Variants in ADH1B observed in about 807,000 individuals in gnomAD.
The protein encoded by ADH1B is alcohol dehydrogenase 1B (class I), beta polypeptide.
Under a neutral mutation model 34.6 loss-of-function variants are expected in ADH1B, and 29 were observed. The observed-to-expected ratio is 0.84, with a 90% CI of 0.62 to 1.14. The LOEUF (loss-of-function observed/expected upper bound fraction) is 1.14. Among genes scored for constraint, ADH1B ranks in the 50% most tolerant of loss-of-function variants. The probability of loss-of-function intolerance (pLI) is 0.00; values close to 1 mark genes in which losing one functional copy is unlikely to be tolerated. For synonymous variants in ADH1B, 170 were observed against 175.5 expected (o/e 0.97, Z 0.25); for missense variants, 424 against 468.4 (o/e 0.91, Z 0.87).
intron 1 of ADH1B, 85 bp downstream of exon 1, chr4:99,321,229 T>G: frequency 1.6e-6 from 2 of 1,245,158 alleles, no homozygotes; most frequent in Non-Finnish European, 1.2e-6. Flanking sequence ...AGATATGAAT[T>G]TTAAATTATT....
chr4:99,311,681 T>A (rs756469410), intron 6 of ADH1B, 25 bp from the exon 7 acceptor site: 6 of 1,612,332 alleles, frequency 3.7e-6, no homozygotes, highest in Non-Finnish European at 5.1e-6. Context: ...ATATTTAGCA[T>A]CCTTAACGTG....
Position 99,307,453 on chromosome 4 carries a change from C to A in ADH1B, c.*387G>T, listed in dbSNP as rs1373663372. 6.2e-5 allele frequency: 16 copies of A among 259,246 alleles called. No homozygotes were observed. Among genetic ancestry groups the A allele is most frequent in the Non-Finnish European group, 8.9e-5 (12 of 135,442 alleles). The allele number at this position is 259,246 out of a possible 1,614,324, so 16.1% of individuals were successfully genotyped here. Reference sequence around the variant, plus strand: ...GTTAGAAGACTTCAATCACAATGGCCCAGCATGTGTATGTTCAGGGCAAGT... The same window carrying A: ...GTTAGAAGACTTCAATCACAATGGCACAGCATGTGTATGTTCAGGGCAAGT... On this transcript the variant is annotated 3_prime_UTR_variant, in exon 9 of 9. Coordinates refer to ENST00000305046, the MANE Select transcript of ADH1B (RefSeq NM_000668.6).
At chr4:99,310,269 GA>G in intron 8 of ADH1B, 1 of 357,728 alleles carries the variant, frequency 2.8e-6, no homozygotes, top group Non-Finnish European at 5.4e-6. Flanking sequence ...AAAAGAAAAA[GA>G]AAAAGAGAAA....
intron 5 of ADH1B, 59 bp downstream of exon 5, chr4:99,315,839 C>T: frequency 6.3e-7 from 1 of 1,594,246 alleles, no homozygotes; most frequent in Non-Finnish European, 8.6e-7. Flanking sequence ...GAAATTGCTT[C>T]CCTTTTGGTT....
chr4:99,314,975 G>A (rs1278381084), intron 5 of ADH1B: 7 of 152,180 alleles, frequency 4.6e-5, no homozygotes, highest in African/African-American at 9.7e-5. Flanking sequence ...CCTTAAGGGT[G>A]TCTATTCACT....
intron 3 of ADH1B, 148 bp from the exon 4 acceptor site, chr4:99,316,450 T>C (rs1733888631): frequency 2.4e-6 from 2 of 848,760 alleles, no homozygotes; most frequent in Non-Finnish European, 3.6e-6. Flanking sequence ...CATCTTTCAA[T>C]GCCTGCCACA....
chr4:99,318,965 A>G (rs373976723), intron 1 of ADH1B, 79 bp from the exon 2 acceptor site: 3 of 1,457,440 alleles, frequency 2.1e-6, no homozygotes, highest in African/African-American at 2.8e-5. Context: ...ATCTTTGTAC[A>G]TGTAATATTG....
At chr4:99,308,069 A>G (rs1233045934) in intron 8 of ADH1B, among the ~76,000 whole-genome samples, 2 of 151,966 alleles carry the variant, frequency 1.3e-5, no homozygotes, top group African/African-American at 4.8e-5. Context: ...TCCAATCTTA[A>G]TCTCACTCAC....
At chr4:99,307,963 G>T (rs1579506869) in intron 8 of ADH1B, 99 bp from the exon 9 acceptor site, 2 of 1,487,314 alleles carry the variant, frequency 1.3e-6, no homozygotes, top group Non-Finnish European at 1.9e-6. Context: ...GTGAAAATCT[G>T]TCTGTGATCC....
rs1171436760 is a variant in ADH1B at position 99,305,137 on chromosome 4, A to T, written c.*2703T>A. 1 of 151,650 alleles carries T rather than the reference A, an allele frequency of 6.6e-6. No homozygotes were observed. The highest frequency in any genetic ancestry group is 1.9e-4 in the East Asian group (1 of 5,188). 9.4% of individuals were successfully genotyped at this position (151,650 alleles called of 1,614,324 possible). On this transcript the variant is annotated 3_prime_UTR_variant, in exon 9 of 9. Coordinates refer to ENST00000305046, the MANE Select transcript of ADH1B (RefSeq NM_000668.6). ...GAAAAAGCACCAGGATTTTAGAAAT[A>T]TCTTTTTTTTTGGTCAATCATATAT... is the stretch of plus-strand genomic sequence containing the variant.
Position 99,313,944 on chromosome 4 carries a change from C to T in ADH1B, c.705G>A (p.Glu235=), listed in dbSNP as rs759944524. ...INKDKFAKAK[E]LGATECINPQ... ...GGTTGATGCATTCAGTGGCACCCAACTCTTTGGCCTTTGCAAATTTGTCCT... is the reference window on the plus strand; with the variant it reads ...GGTTGATGCATTCAGTGGCACCCAATTCTTTGGCCTTTGCAAATTTGTCCT... Residue 235 remains glutamate, a synonymous_variant, in exon 6 of 9, where the codon GAG becomes GAA. Coordinates refer to ENST00000305046, the MANE Select transcript of ADH1B (RefSeq NM_000668.6). 10 of 1,614,060 alleles carry T rather than the reference C, an allele frequency of 6.2e-6. No individual in the cohort carries two copies. The highest frequency in any genetic ancestry group is 1.1e-5 in the South Asian group (1 of 91,084).
chr4:99,316,497 A>T (rs1733889562), intron 3 of ADH1B, 195 bp from the exon 4 acceptor site: 1 of 668,794 alleles, frequency 1.5e-6, no homozygotes, highest in Non-Finnish European at 2.5e-6. Flanking sequence ...GTGCCTGAGG[A>T]TTCCTACTGA....
In ADH1B at chr4:99,313,788, G is replaced by A. The variant is rs367750195; in HGVS notation, c.828+33C>T. 4.3e-6 allele frequency: 7 copies of A among 1,613,804 alleles called. No individual in the cohort carries two copies. In the Admixed American group the frequency reaches 8.3e-5, roughly 19 times the overall value. On this transcript the variant is annotated intron_variant, in intron 6 of 8. Coordinates refer to ENST00000305046, the MANE Select transcript of ADH1B (RefSeq NM_000668.6). The stretch of plus-strand genomic sequence containing the variant: ...CTAAATGCATCTTCCAGGTTGCAGA[G>A]GCAGAAATCTCAGGGCATGTCATGG...
intron 2 of ADH1B, 86 bp from the exon 3 acceptor site, chr4:99,318,270 C>G (rs913094099): frequency 6.9e-5 from 107 of 1,558,158 alleles, no homozygotes; most frequent in Non-Finnish European, 3.9e-5. Flanking sequence ...AATTGTGTTT[C>G]TAAAATGTAT....
chr4:99,307,952 A>C, intron 8 of ADH1B, 88 bp from the exon 9 acceptor site: 1 of 1,559,734 alleles, frequency 6.4e-7, no homozygotes, highest in Non-Finnish European at 8.8e-7. Context: ...GAGGTGTCTT[A>C]GTGAAAATCT....
In ADH1B at chr4:99,316,574, T is replaced by C. The variant is rs534068647; in HGVS notation, c.260-272A>G. On this transcript the variant is annotated intron_variant, in intron 3 of 8. Coordinates refer to ENST00000305046, the MANE Select transcript of ADH1B (RefSeq NM_000668.6). ...CTTCCACTGTACTAATAGTTAACTTTTACACAGTGTACTGATTTCTCCTGG... is the reference window on the plus strand; with the variant it reads ...CTTCCACTGTACTAATAGTTAACTTCTACACAGTGTACTGATTTCTCCTGG... The C allele has an allele frequency of 2.5e-4, 95 of 382,458 alleles. 1 individual carries two copies. The South Asian group carries it at 3.7e-3, about 15-fold the overall frequency. The allele number at this position is 382,458 out of a possible 1,614,324, so 23.7% of individuals were successfully genotyped here. A position where few individuals can be genotyped will look rare whatever the true frequency, so the allele number is the denominator to read the frequency against.
intron 8 of ADH1B, 47 bp from the exon 9 acceptor site, chr4:99,307,911 C>A: frequency 6.2e-7 from 1 of 1,613,168 alleles, no homozygotes; most frequent in Non-Finnish European, 8.5e-7. Flanking sequence ...AGACAACCCA[C>A]ATGCTTGTTG....
chr4:99,307,945 G>T lies in ADH1B; in HGVS notation c.1104-81C>A, dbSNP rs534072149. 1.9e-6 allele frequency: 3 copies of T among 1,574,316 alleles called. No homozygotes were observed. The African/African-American group carries it at 4.1e-5, about 21-fold the overall frequency. ...TGTGAGAGTCCAAGGAGCATCTGAG[G>T]TGTCTTAGTGAAAATCTGTCTGTGA... On this transcript the variant is annotated intron_variant, in intron 8 of 8. Coordinates refer to ENST00000305046, the MANE Select transcript of ADH1B (RefSeq NM_000668.6).
intron 6 of ADH1B, among the ~76,000 whole-genome samples, chr4:99,312,356 A>G (rs1733775612): frequency 6.6e-6 from 1 of 152,202 alleles, no homozygotes; most frequent in Admixed American, 6.5e-5. Context: ...AAAGGAGCAT[A>G]AAGAGAAAAG....
Sources: allele counts gnomAD v4.1 joint callset (sites outside exome capture counted in the v4.1 genomes callset), GRCh38; gene constraint gnomAD v4.1.1; transcripts MANE v1.5; gene names NCBI Gene and HGNC (gene_info 2026-07-23, HGNC 2026-07-21).